Variants in EPS15 observed in about 807,000 individuals in gnomAD.
EPS15 encodes the protein epidermal growth factor receptor substrate 15.
EPS15 carries 72 observed loss-of-function variants against 113.8 expected under a neutral mutation model. The ratio of observed to expected loss-of-function variants is 0.63; its 90% CI spans 0.52 to 0.77. EPS15 has a LOEUF of 0.77. Among genes scored for constraint, EPS15 ranks in the 30% least tolerant of loss-of-function variants. The pLI is 0.00. For missense variants in EPS15, 1,048 were observed against 1,045.8 expected (o/e 1.00, Z -0.03); for synonymous variants, 344 against 363.4 (o/e 0.95, Z 0.61).
chr1:51,469,047 T>C (rs745870554), intron 4 of EPS15, among the ~76,000 whole-genome samples: 1 of 152,110 alleles, frequency 6.6e-6, no homozygotes, highest in Non-Finnish European at 1.5e-5. Context: ...GCAGAATCAC[T>C]TGAACATGGA....
At chr1:51,499,427 A>G (rs188246650) in intron 1 of EPS15, among the ~76,000 whole-genome samples, 1 of 152,266 alleles carries the variant, frequency 6.6e-6, no homozygotes, top group Admixed American at 6.5e-5. Context: ...TAATGCTGCT[A>G]TAAACATTAC....
At chr1:51,497,565 T>C (rs142608988) in intron 1 of EPS15, among the ~76,000 whole-genome samples, 31 of 152,316 alleles carry the variant, frequency 2.0e-4, no homozygotes, top group Admixed American at 1.5e-3. Flanking sequence ...GCAGCTTGAA[T>C]AGGCCCACAC....
chr1:51,459,680 T>C (rs1248603052), intron 8 of EPS15, among the ~76,000 whole-genome samples: 2 of 152,122 alleles, frequency 1.3e-5, no homozygotes, highest in Non-Finnish European at 2.9e-5. Context: ...TATATTTTTC[T>C]AGTTATAATC....
chr1:51,430,979 C>CAT (rs1321973926), intron 12 of EPS15, among the ~76,000 whole-genome samples: 79 of 12,724 alleles, frequency 6.2e-3, no homozygotes, highest in African/African-American at 0.022. Flanking sequence ...TACTTACATA[C>CAT]ACACACACAC....
intron 11 of EPS15, among the ~76,000 whole-genome samples, chr1:51,444,468 A>C (rs1445341928): frequency 1.3e-5 from 2 of 152,218 alleles, no homozygotes; most frequent in Non-Finnish European, 2.9e-5. Context: ...TTTTGATGTA[A>C]AATTGACACC....
rs1174559363 is a variant in EPS15 at position 51,448,100 on chromosome 1, T to C, written c.597A>G (p.Glu199=). 6.2e-7 allele frequency: 1 copy of C among 1,613,592 alleles called. No individual in the cohort carries two copies. Among genetic ancestry groups the C allele is most frequent in the African/African-American group, 1.3e-5 (1 of 74,894 alleles). The change falls in exon 9 of 25, where the codon GAA becomes GAG. Residue 199 remains glutamate, a synonymous_variant. Coordinates refer to ENST00000371733, the MANE Select transcript of EPS15 (RefSeq NM_001981.3). ...MFLVYCALEK[E]PVPMSLPPAL... ...CTGGAGGCAAGGACATTGGCACAGG[T>C]TCTTTCTCCAGTGCACAGTATACCA...
chr1:51,446,587 G>A (rs1033117911), intron 10 of EPS15, among the ~76,000 whole-genome samples: 2 of 151,780 alleles, frequency 1.3e-5, no homozygotes, highest in Non-Finnish European at 2.9e-5. Context: ...CCGAGTAGCT[G>A]GAACTACAGG....
At chr1:51,508,608 C>T (rs908712070) in intron 1 of EPS15, among the ~76,000 whole-genome samples, 5 of 152,156 alleles carry the variant, frequency 3.3e-5, no homozygotes, top group Non-Finnish European at 7.4e-5. Flanking sequence ...GTTCTTCCCA[C>T]TACGTAAAAC....
At chr1:51,421,084 T>C (rs533753385) in intron 13 of EPS15, among the ~76,000 whole-genome samples, 1 of 150,120 alleles carries the variant, frequency 6.7e-6, no homozygotes, top group East Asian at 1.9e-4. Flanking sequence ...CTTACTGCTC[T>C]AAGTGAGGCA....
chr1:51,421,066 A>G (rs905437344), intron 13 of EPS15, among the ~76,000 whole-genome samples: 2 of 152,090 alleles, frequency 1.3e-5, no homozygotes, highest in Non-Finnish European at 2.9e-5. Context: ...ACATGGCCAC[A>G]TGCATTGCTT....
chr1:51,468,583 T>C lies in EPS15; in HGVS notation c.214-15A>G, dbSNP rs374799731. 4 of 1,570,070 alleles carry C rather than the reference T, an allele frequency of 2.5e-6. No homozygotes were observed. In the African/African-American group the frequency reaches 4.1e-5, roughly 16 times the overall value. ...ACAAAGAATTCCTAAGAAAGAAAAG[T>C]ATGAATGTTAAGAGCATTCTCCCTC... On this transcript the variant is annotated splice_polypyrimidine_tract_variant and intron_variant, in intron 4 of 24. Coordinates refer to ENST00000371733, the MANE Select transcript of EPS15 (RefSeq NM_001981.3).
chr1:51,423,070 T>A, intron 12 of EPS15: 2 of 452,022 alleles, frequency 4.4e-6, no homozygotes, highest in Non-Finnish European at 6.9e-6. Context: ...AGGTGAGATT[T>A]TAAATGTAGA....
chr1:51,469,520 T>C (rs1040461973), intron 4 of EPS15, among the ~76,000 whole-genome samples: 8 of 152,176 alleles, frequency 5.3e-5, no homozygotes, highest in African/African-American at 1.4e-4. Context: ...GTTAGTGTCA[T>C]AGACATGATA....
chr1:51,419,476 T>C (rs10493153), intron 13 of EPS15, among the ~76,000 whole-genome samples: 4,972 of 152,246 alleles, frequency 0.033, 270 homozygotes, highest in African/African-American at 0.11. Flanking sequence ...ATATTATCAC[T>C]GTGACTTTAT....
chr1:51,464,389 G>A (rs1363713365), intron 6 of EPS15, among the ~76,000 whole-genome samples: 2 of 151,868 alleles, frequency 1.3e-5, no homozygotes, highest in Non-Finnish European at 2.9e-5. Context: ...ATAGGCGCCT[G>A]CCACCACACC....
intron 13 of EPS15, among the ~76,000 whole-genome samples, chr1:51,411,667 T>G (rs959393356): frequency 6.6e-6 from 1 of 152,160 alleles, no homozygotes; most frequent in Non-Finnish European, 1.5e-5. Context: ...CCTAGGTTTC[T>G]TAAGAATCAG....
chr1:51,440,305 G>C (rs764407488), intron 12 of EPS15, 42 bp downstream of exon 12: 9 of 728,258 alleles, frequency 1.2e-5, no homozygotes, highest in Non-Finnish European at 2.0e-5. Context: ...GTGTGTGTGT[G>C]TGTGTGTGTA....
intron 21 of EPS15, among the ~76,000 whole-genome samples, chr1:51,390,431 A>G (rs1174568470): frequency 6.6e-6 from 1 of 152,220 alleles, no homozygotes; most frequent in East Asian, 1.9e-4. Flanking sequence ...TAAAACACCA[A>G]AAGCAATGAC....
chr1:51,387,052 T>C (rs1034759817), intron 21 of EPS15, among the ~76,000 whole-genome samples: 9 of 151,774 alleles, frequency 5.9e-5, no homozygotes, highest in African/African-American at 1.9e-4. Context: ...GGAAAAAAGG[T>C]TAAGGGCAGC....
Sources: allele counts gnomAD v4.1 joint callset (sites outside exome capture counted in the v4.1 genomes callset), GRCh38; gene constraint gnomAD v4.1.1; transcripts MANE v1.5; gene names NCBI Gene and HGNC (gene_info 2026-07-23, HGNC 2026-07-21).